Variants in TNIP1 observed in about 807,000 individuals in gnomAD.
TNIP1 encodes the protein TNFAIP3 interacting protein 1.
TNIP1 carries 22 observed loss-of-function variants against 86.6 expected under a neutral mutation model. The ratio of observed to expected loss-of-function variants is 0.25; its 90% CI spans 0.18 to 0.36. The LOEUF is 0.36. Ranked by LOEUF, TNIP1 falls within the 10% of genes least tolerant of loss-of-function variation. The probability of loss-of-function intolerance (pLI) is 1.00; values close to 1 mark genes in which losing one functional copy is unlikely to be tolerated. For synonymous variants in TNIP1, 294 were observed against 313.0 expected (o/e 0.94, Z 0.64); for missense variants, 709 against 820.6 (o/e 0.86, Z 1.66).
At position 151,070,893 on chromosome 5, in the gene TNIP1, A is replaced by C. The variant is rs537881553; in HGVS notation, c.-36-5762T>G. Among the ~76,000 whole-genome samples, 3 of 152,138 alleles carry C rather than the reference A, an allele frequency of 2.0e-5. No homozygotes were observed. The South Asian group carries it at 6.3e-4, about 32-fold the overall frequency. ...CCACATTTGTCCAAACCCATAGAACATACACCACCAAGAGGGAACACTGAT... is the reference window on the plus strand; with the variant it reads ...CCACATTTGTCCAAACCCATAGAACCTACACCACCAAGAGGGAACACTGAT... On this transcript the variant is annotated intron_variant, in intron 1 of 17. Coordinates refer to ENST00000521591, the MANE Select transcript of TNIP1 (RefSeq NM_006058.5).
intron 1 of TNIP1, among the ~76,000 whole-genome samples, chr5:151,077,812 G>A (rs1411223379): frequency 6.6e-6 from 1 of 152,200 alleles, no homozygotes; most frequent in African/African-American, 2.4e-5. Context: ...ATTTCCCAAT[G>A]CTGCTAAGGA....
At chr5:151,051,369 T>C (rs1759908122) in intron 7 of TNIP1, among the ~76,000 whole-genome samples, 1 of 152,160 alleles carries the variant, frequency 6.6e-6, no homozygotes, top group Non-Finnish European at 1.5e-5. Flanking sequence ...TGAGCCCAGC[T>C]GGTACCCACC....
At chr5:151,053,101 C>CTT (rs11390788) in intron 6 of TNIP1, among the ~76,000 whole-genome samples, 966 of 85,204 alleles carry the variant, frequency 0.011, 55 homozygotes, top group African/African-American at 0.034. Flanking sequence ...AACTGTTTCT[C>CTT]TTTTTTTTTT....
chr5:151,033,078 A>T (rs1245774106), intron 16 of TNIP1, among the ~76,000 whole-genome samples: 2 of 137,530 alleles, frequency 1.5e-5, no homozygotes, highest in Non-Finnish European at 3.1e-5. Context: ...ATGAGCCGAG[A>T]TCGTATCACT....
Position 151,065,130 on chromosome 5 carries a change from G to A in TNIP1, c.-35C>T, listed in dbSNP as rs115856133. ...TCAGCCCCTGCCGTGGTGCCCGCCT[G>A]GCTGTAAGGACAACAGCAGCATATC... On this transcript the variant is annotated splice_region_variant and 5_prime_UTR_variant, in exon 2 of 18. Transcript: ENST00000521591. 95 of 1,603,530 alleles carry A rather than the reference G, an allele frequency of 5.9e-5. No individual in the cohort carries two copies. In the African/African-American group the frequency reaches 1.1e-3, roughly 19 times the overall value.
Position 151,030,699 on chromosome 5 carries a change from G to A in TNIP1, c.*14C>T. On this transcript the variant is annotated 3_prime_UTR_variant, in exon 18 of 18. Coordinates refer to ENST00000521591, the MANE Select transcript of TNIP1 (RefSeq NM_006058.5). ...CTGCAAGATGAAGGTGGAGCCAAATGACACAATCTGGTCTCACTGAGGCCC... is the reference window on the plus strand; with the variant it reads ...CTGCAAGATGAAGGTGGAGCCAAATAACACAATCTGGTCTCACTGAGGCCC... 1 of 1,614,150 alleles carries A rather than the reference G, an allele frequency of 6.2e-7. No individual in the cohort carries two copies. The highest frequency in any genetic ancestry group is 2.2e-5 in the East Asian group (1 of 44,888).
chr5:151,037,598 C>A (rs181131670), intron 12 of TNIP1, among the ~76,000 whole-genome samples: 1 of 152,320 alleles, frequency 6.6e-6, no homozygotes, highest in East Asian at 1.9e-4. Context: ...ATCATGTTCA[C>A]AATAGATTAT....
intron 6 of TNIP1, 90 bp from the exon 7 acceptor site, chr5:151,052,349 C>A: frequency 9.4e-7 from 1 of 1,064,484 alleles, no homozygotes; most frequent in Admixed American, 2.0e-5. Context: ...GGCCTGTAGC[C>A]ACCCCAGGGC....
chr5:151,076,308 G>A lies in TNIP1; in HGVS notation c.-37+4572C>T, dbSNP rs142985908. On this transcript the variant is annotated intron_variant, in intron 1 of 17. Coordinates refer to ENST00000521591, the MANE Select transcript of TNIP1 (RefSeq NM_006058.5). ...ATGCCTGGATACCCTCCCTACAGAC[G>A]GCCAGGGATAGGAGGGGCAGGCACT... is the stretch of plus-strand genomic sequence containing the variant. Among the ~76,000 whole-genome samples the A allele has an allele frequency of 7.5e-3, 1,145 of 152,274 alleles. 11 individuals carry two copies. Among genetic ancestry groups the A allele is most frequent in the African/African-American group, 0.026 (1,072 of 41,548 alleles).
intron 8 of TNIP1, among the ~76,000 whole-genome samples, chr5:151,046,696 AAG>A (rs1205700915): frequency 1.3e-5 from 2 of 152,232 alleles, no homozygotes; most frequent in African/African-American, 4.8e-5. Context: ...ATAATAATAA[AAG>A]AGCATGTCAA....
chr5:151,031,091 C>G lies in TNIP1; in HGVS notation c.1877-344G>C, dbSNP rs567633565. Among the ~76,000 whole-genome samples, 3 of 152,310 alleles carry G rather than the reference C, an allele frequency of 2.0e-5. No homozygotes were observed. In the East Asian group the frequency reaches 5.8e-4, roughly 29 times the overall value. ...AGGGAGCCCCTCCCATTATACCAAT[C>G]TCTACCACTCATCAAAGCAGCCTCC... On this transcript the variant is annotated intron_variant, in intron 17 of 17. Transcript: ENST00000521591.
At chr5:151,031,894 C>T (rs146556766) in intron 17 of TNIP1, among the ~76,000 whole-genome samples, 1,913 of 152,324 alleles carry the variant, frequency 0.013, 52 homozygotes, top group Admixed American at 0.06. Context: ...CGGTCTAGGT[C>T]GGCTTCCTCT....
chr5:151,073,596 G>A (rs1439093060), intron 1 of TNIP1, among the ~76,000 whole-genome samples: 1 of 152,052 alleles, frequency 6.6e-6, no homozygotes. Flanking sequence ...GTGTGTGTGT[G>A]TATACATACG....
upstream of TNIP1, among the ~76,000 whole-genome samples, chr5:151,082,783 C>A (rs186490903): frequency 1.3e-5 from 2 of 152,300 alleles, no homozygotes; most frequent in East Asian, 1.9e-4. Context: ...AGTTCTGGAT[C>A]CTTTTTCTTA....
chr5:151,071,940 G>A (rs766580019), intron 1 of TNIP1, among the ~76,000 whole-genome samples: 1 of 152,216 alleles, frequency 6.6e-6, no homozygotes, highest in South Asian at 2.1e-4. Flanking sequence ...TTCGTTAGGC[G>A]CTACCGTATG....
At position 151,080,150 on chromosome 5, in the gene TNIP1, G is replaced by A. The variant is rs578014720; in HGVS notation, c.-37+730C>T. 7 of 152,346 alleles carry A rather than the reference G, an allele frequency of 4.6e-5. No homozygotes were observed. In the East Asian group the frequency reaches 1.3e-3, roughly 29 times the overall value. The allele number at this position is 152,346 out of a possible 1,614,324, so 9.4% of individuals were successfully genotyped here. ...CACACGTGCACACAAATGTCCTACA[G>A]TGGAAAGCTCAGCCTTCATACTCCA... On this transcript the variant is annotated intron_variant, in intron 1 of 17. Coordinates refer to ENST00000521591, the MANE Select transcript of TNIP1 (RefSeq NM_006058.5).
At chr5:151,080,432 A>G (rs1249783027) in intron 1 of TNIP1, 2 of 152,234 alleles carry the variant, frequency 1.3e-5, no homozygotes, top group African/African-American at 2.4e-5. Flanking sequence ...AGTCTAATAC[A>G]CGTACAGCGT....
intron 6 of TNIP1, among the ~76,000 whole-genome samples, chr5:151,055,950 C>T (rs1760606337): frequency 6.6e-6 from 1 of 152,210 alleles, no homozygotes; most frequent in Admixed American, 6.5e-5. Context: ...GGCTAAGACC[C>T]CCTGCCCAGT....
chr5:151,070,348 AG>A (rs1762699031), intron 1 of TNIP1, among the ~76,000 whole-genome samples: 1 of 152,248 alleles, frequency 6.6e-6, no homozygotes, highest in Non-Finnish European at 1.5e-5. Context: ...GCTTAATAAA[AG>A]GCTGAGGCAA....
Sources: gnomAD v4.1 joint callset for allele counts (sites outside exome capture counted in the v4.1 genomes callset) on GRCh38, gnomAD v4.1.1 for gene constraint, MANE v1.5 for transcripts, NCBI Gene and HGNC (gene_info 2026-07-23, HGNC 2026-07-21) for gene names.